ERG: variants seen among roughly 807,000 people sequenced by gnomAD.
ERG encodes the protein ETS transcription factor ERG.
In ERG, 9 loss-of-function variants were observed where a neutral mutation model predicts 55.3. The observed-to-expected ratio is 0.16, with a 90% CI of 0.10 to 0.28. The LOEUF (loss-of-function observed/expected upper bound fraction) is 0.28. Ranked by LOEUF, ERG falls within the 10% of genes least tolerant of loss-of-function variation. The probability of loss-of-function intolerance (pLI) is 1.00; values close to 1 mark genes in which losing one functional copy is unlikely to be tolerated. For missense variants in ERG, 434 were observed against 631.6 expected (o/e 0.69, Z 3.35); for synonymous variants, 223 against 237.3 (o/e 0.94, Z 0.55).
chr21:38,551,955 C>T (rs1009178055), intron 2 of ERG, among the ~76,000 whole-genome samples: 10 of 152,090 alleles, frequency 6.6e-5, no homozygotes, highest in African/African-American at 7.2e-5. Context: ...AAATCTCCCA[C>T]TATTATTGTA....
chr21:38,446,168 C>G (rs182207998), intron 1 of ERG, among the ~76,000 whole-genome samples: 1 of 134,944 alleles, frequency 7.4e-6, no homozygotes, highest in Non-Finnish European at 1.5e-5. Context: ...AGTTATTAGC[C>G]GAAGTACAGT....
intron 2 of ERG, among the ~76,000 whole-genome samples, chr21:38,529,656 A>AT (rs1409580999): frequency 6.6e-6 from 1 of 152,146 alleles, no homozygotes; most frequent in Non-Finnish European, 1.5e-5. Flanking sequence ...TTGTGTCTTT[A>AT]TTTTTTCCAT....
At chr21:38,654,152 G>A (rs1306933595) in intron 1 of ERG, among the ~76,000 whole-genome samples, 1 of 152,202 alleles carries the variant, frequency 6.6e-6, no homozygotes, top group Admixed American at 6.5e-5. Flanking sequence ...AGAGATATTC[G>A]ATCTTCAGAA....
At chr21:38,412,001 A>G (rs1989080005) in intron 3 of ERG, among the ~76,000 whole-genome samples, 1 of 152,038 alleles carries the variant, frequency 6.6e-6, no homozygotes. Context: ...TCTGCTTTCT[A>G]TTTCTATTTT....
chr21:38,497,453 A>G (rs1408032037), intron 1 of ERG, among the ~76,000 whole-genome samples: 7 of 152,156 alleles, frequency 4.6e-5, no homozygotes, highest in Non-Finnish European at 8.8e-5. Flanking sequence ...ATTTCTACAA[A>G]TGTCACGAAG....
intron 2 of ERG, chr21:38,575,532 G>A (rs2059989469): frequency 1.5e-6 from 1 of 653,446 alleles, no homozygotes; most frequent in Admixed American, 2.8e-5. Context: ...ATTTAAAAAA[G>A]TAAAAACCAT....
At chr21:38,637,106 T>A (rs959325908) in intron 1 of ERG, among the ~76,000 whole-genome samples, 3 of 152,196 alleles carry the variant, frequency 2.0e-5, no homozygotes, top group Admixed American at 6.5e-5. Context: ...CTGGACAGCA[T>A]CCTTCTGCTC....
At chr21:38,557,955 G>A (rs1028938496) in intron 2 of ERG, among the ~76,000 whole-genome samples, 5 of 151,944 alleles carry the variant, frequency 3.3e-5, no homozygotes, top group Non-Finnish European at 7.4e-5. Context: ...CTTATGATTT[G>A]GAACTATTTT....
chr21:38,568,857 G>A (rs2059939538), intron 2 of ERG, among the ~76,000 whole-genome samples: 2 of 152,142 alleles, frequency 1.3e-5, no homozygotes. Flanking sequence ...AGCACCCGAG[G>A]GTCACCTGCC....
At chr21:38,394,314 A>G (rs1425250758) in intron 6 of ERG, among the ~76,000 whole-genome samples, 1 of 151,604 alleles carries the variant, frequency 6.6e-6, no homozygotes, top group Non-Finnish European at 1.5e-5. Context: ...GCAGAATCTT[A>G]CCCCAGACCT....
chr21:38,422,659 A>C (rs939831629), intron 3 of ERG, among the ~76,000 whole-genome samples: 1 of 152,042 alleles, frequency 6.6e-6, no homozygotes, highest in Admixed American at 6.5e-5. Context: ...TATTACCTTT[A>C]GTTTGGCTAA....
intron 2 of ERG, among the ~76,000 whole-genome samples, chr21:38,507,930 G>T (rs1251924331): frequency 7.4e-4 from 1 of 1,348 alleles, no homozygotes; most frequent in Admixed American, 7.4e-3. Flanking sequence ...GGAACCAGTG[G>T]CTCCCCCATC....
intron 2 of ERG, among the ~76,000 whole-genome samples, chr21:38,534,134 G>C (rs913419619): frequency 6.6e-6 from 1 of 152,088 alleles, no homozygotes; most frequent in Admixed American, 6.6e-5. Context: ...CTTGACTCAA[G>C]TATTTCCGAA....
chr21:38,655,507 C>T (rs1210354434), intron 1 of ERG, among the ~76,000 whole-genome samples: 1 of 152,188 alleles, frequency 6.6e-6, no homozygotes, highest in East Asian at 1.9e-4. Flanking sequence ...AGCTTGATTG[C>T]TAGGAGATTC....
At chr21:38,624,381 A>C (rs573575204) in intron 1 of ERG, among the ~76,000 whole-genome samples, 1 of 152,354 alleles carries the variant, frequency 6.6e-6, no homozygotes, top group Admixed American at 6.5e-5. Flanking sequence ...TGATAGGTAC[A>C]GCAAACCACC....
At chr21:38,378,531 G>A (rs1484109827), downstream of ERG, among the ~76,000 whole-genome samples, 1 of 152,196 alleles carries the variant, frequency 6.6e-6, no homozygotes, top group Non-Finnish European at 1.5e-5. Context: ...GCTAGGCACT[G>A]TGCTGGGTCC....
In ERG at chr21:38,607,591, G is replaced by A. The variant is rs146898998; in HGVS notation, c.-149-22646C>T. Among the ~76,000 whole-genome samples, 47 of 151,984 alleles carry A rather than the reference G, an allele frequency of 3.1e-4. No homozygotes were observed. The East Asian group carries it at 5.6e-3, about 18-fold the overall frequency. The stretch of plus-strand genomic sequence containing the variant: ...TGAGCTTGCAGTGAGCCCAGATTGC[G>A]CTGCACCACTGCACTCCAGCCTGGG... On this transcript the variant is annotated intron_variant, in intron 1 of 10. Coordinates refer to the ERG transcript ENST00000398910.
intron 1 of ERG, among the ~76,000 whole-genome samples, chr21:38,492,842 C>T (rs1348321798): frequency 6.6e-6 from 1 of 152,144 alleles, no homozygotes; most frequent in East Asian, 1.9e-4. Context: ...CCAGAGGTCA[C>T]AGTGGACCAC....
At chr21:38,627,177 G>T (rs2060330062) in intron 1 of ERG, among the ~76,000 whole-genome samples, 1 of 151,808 alleles carries the variant, frequency 6.6e-6, no homozygotes, top group Non-Finnish European at 1.5e-5. Context: ...GTCTAAAAAT[G>T]AATGTCTTAA....
Sources: gnomAD v4.1 joint callset for allele counts (sites outside exome capture counted in the v4.1 genomes callset) on GRCh38, gnomAD v4.1.1 for gene constraint, MANE v1.5 for transcripts, NCBI Gene and HGNC (gene_info 2026-07-23, HGNC 2026-07-21) for gene names.